The following DYNAP variants were observed in gnomAD, a reference collection of about 807,000 sequenced individuals.
The protein encoded by DYNAP is dynactin associated protein, also known as dynactin-associated protein.
DYNAP carries 7 observed loss-of-function variants against 8.5 expected under a neutral mutation model. The ratio of observed to expected loss-of-function variants is 0.82; its 90% CI spans 0.47 to 1.54. The LOEUF is 1.54. Ranked by LOEUF, DYNAP falls within the 40% of genes most tolerant of loss-of-function variation. The probability of loss-of-function intolerance (pLI) is 0.01; values close to 1 mark genes in which losing one functional copy is unlikely to be tolerated. For synonymous variants in DYNAP, 77 were observed against 77.9 expected (o/e 0.99, Z 0.06); for missense variants, 256 against 224.3 (o/e 1.14, Z -0.90).
At chr18:54,580,575 C>T in the DYNAP span, among the ~76,000 whole-genome samples, 1 of 152,222 alleles carries the variant, frequency 6.6e-6, no homozygotes, top group South Asian at 2.1e-4. Flanking sequence ...GTGCTAACAT[C>T]ACCATTCTCA....
chr18:54,585,428 A>T (rs574049280), upstream of DYNAP, among the ~76,000 whole-genome samples: 7 of 151,752 alleles, frequency 4.6e-5, no homozygotes, highest in East Asian at 1.4e-3. Flanking sequence ...CTTTTACTCT[A>T]CCTCCAGACC....
intron 2 of DYNAP, 37 bp downstream of exon 2, chr18:54,595,140 A>G (rs750867822): frequency 5.7e-6 from 9 of 1,589,038 alleles, no homozygotes; most frequent in Non-Finnish European, 7.7e-6. Flanking sequence ...TCAAGTTGGG[A>G]TGTGCTCTAT....
chr18:54,596,980 G>A (rs1439490137), intron 2 of DYNAP, among the ~76,000 whole-genome samples: 2 of 151,966 alleles, frequency 1.3e-5, no homozygotes, highest in African/African-American at 4.8e-5. Flanking sequence ...CACATATTTT[G>A]TAATGTTTCA....
upstream of DYNAP, chr18:54,587,976 C>G (rs1355777360): frequency 1.0e-5 from 4 of 396,036 alleles, no homozygotes; most frequent in African/African-American, 8.2e-5. Context: ...TCATTATGGT[C>G]CTTTCTCTAA....
Position 54,594,928 on chromosome 18 carries a change from T to G in DYNAP, c.58-11T>G, listed in dbSNP as rs750289160. On this transcript the variant is annotated splice_polypyrimidine_tract_variant and intron_variant, in intron 1 of 2. Coordinates refer to ENST00000648945, the MANE Select transcript of DYNAP (RefSeq NM_173629.3). ...CTAGGCTTCCTACTCACTTCCACTC[T>G]GCCTTTGTAGCCAATCACACATCCA... 3.7e-6 allele frequency: 6 copies of G among 1,606,680 alleles called. No individual in the cohort carries two copies. Among genetic ancestry groups the G allele is most frequent in the Non-Finnish European group, 5.1e-6 (6 of 1,176,328 alleles).
At chr18:54,596,141 T>A (rs943567661) in intron 2 of DYNAP, among the ~76,000 whole-genome samples, 1 of 151,966 alleles carries the variant, frequency 6.6e-6, no homozygotes, top group Non-Finnish European at 1.5e-5. Flanking sequence ...GGCACAATCA[T>A]GTCTCACTGC....
At chr18:54,578,869 G>T in the DYNAP span, among the ~76,000 whole-genome samples, 2 of 151,818 alleles carry the variant, frequency 1.3e-5, no homozygotes, top group Non-Finnish European at 2.9e-5. Flanking sequence ...GCACAATCTT[G>T]GCTCACTGCA....
At chr18:54,578,477 T>C in the DYNAP span, among the ~76,000 whole-genome samples, 1 of 152,348 alleles carries the variant, frequency 6.6e-6, no homozygotes, top group East Asian at 1.9e-4. Context: ...ACTAAAATAT[T>C]ACTCAAGGTT....
the DYNAP span, among the ~76,000 whole-genome samples, chr18:54,582,693 T>G: frequency 6.6e-6 from 1 of 152,230 alleles, no homozygotes; most frequent in African/African-American, 2.4e-5. Flanking sequence ...CTCCTTCCTC[T>G]CTTAGAATTC....
At chr18:54,577,444 G>A in the DYNAP span, among the ~76,000 whole-genome samples, 2 of 151,970 alleles carry the variant, frequency 1.3e-5, no homozygotes, top group Non-Finnish European at 2.9e-5. Context: ...AGCAGGGCAT[G>A]GTGGCACACG....
In DYNAP at chr18:54,591,288, C is replaced by G. The variant is rs776289970; in HGVS notation, c.6C>G (p.Asp2Glu). 1.2e-6 allele frequency: 2 copies of G among 1,612,916 alleles called. No individual in the cohort carries two copies. Among genetic ancestry groups the G allele is most frequent in the South Asian group, 2.2e-5 (2 of 90,980 alleles). Residue 2 changes from aspartate to glutamate, a missense_variant, in exon 1 of 3, where the codon GAC (aspartate) becomes GAG (glutamate). Coordinates refer to ENST00000648945, the MANE Select transcript of DYNAP (RefSeq NM_173629.3). ...GTGATACTGGCAGCTCAAGAATGGACAGAAAGCATGGAAAATACATATTGA... is the reference window on the plus strand; with the variant it reads ...GTGATACTGGCAGCTCAAGAATGGAGAGAAAGCATGGAAAATACATATTGA... M[D>E]RKHGKYILNV... is the part of the protein sequence containing the mutation.
At chr18:54,579,360 A>C in the DYNAP span, among the ~76,000 whole-genome samples, 1 of 151,752 alleles carries the variant, frequency 6.6e-6, no homozygotes, top group South Asian at 2.1e-4. Context: ...CTTTGCAATT[A>C]ATTCTAGAAC....
the DYNAP span, among the ~76,000 whole-genome samples, chr18:54,576,550 A>T: frequency 6.5e-4 from 99 of 152,080 alleles, no homozygotes; most frequent in Non-Finnish European, 1.1e-3. Context: ...TGTAATCTCA[A>T]CACTTCGGAA....
chr18:54,595,048 A>C lies in DYNAP; in HGVS notation c.167A>C (p.Asn56Thr). Residue 56 changes from asparagine to threonine, a missense_variant, in exon 2 of 3, where the codon AAC (asparagine) becomes ACC (threonine). Coordinates refer to ENST00000648945, the MANE Select transcript of DYNAP (RefSeq NM_173629.3). The part of the protein sequence containing the change: ...VSPNLTGVCV[N>T]PGILAHSRCL... Reference sequence around the variant, plus strand: ...CCCAACTTAACTGGGGTCTGCGTGAACCCAGGAATCCTTGCACATTCAAGA... The same window carrying C: ...CCCAACTTAACTGGGGTCTGCGTGACCCCAGGAATCCTTGCACATTCAAGA... 6.2e-7 allele frequency: 1 copy of C among 1,612,770 alleles called. No individual in the cohort carries two copies. The highest frequency in any genetic ancestry group is 8.5e-7 in the Non-Finnish European group (1 of 1,179,126).
upstream of DYNAP, among the ~76,000 whole-genome samples, chr18:54,586,495 C>G (rs1910884569): frequency 6.6e-6 from 1 of 152,166 alleles, no homozygotes; most frequent in South Asian, 2.1e-4. Flanking sequence ...ACCACCCTGG[C>G]CATGCTTCCA....
At chr18:54,580,670 T>A in the DYNAP span, among the ~76,000 whole-genome samples, 1 of 152,218 alleles carries the variant, frequency 6.6e-6, no homozygotes, top group East Asian at 1.9e-4. Context: ...TTTCCATAGC[T>A]ACTCGTAAGA....
At chr18:54,577,794 C>T in the DYNAP span, among the ~76,000 whole-genome samples, 1 of 151,320 alleles carries the variant, frequency 6.6e-6, no homozygotes, top group East Asian at 2.0e-4. Flanking sequence ...TGGTGAAACC[C>T]GGTCTCTACT....
At chr18:54,589,031 G>A (rs1337132150), upstream of DYNAP, among the ~76,000 whole-genome samples, 6 of 152,150 alleles carry the variant, frequency 3.9e-5, no homozygotes, top group Admixed American at 6.6e-5. Context: ...TCACATGGCC[G>A]AAGCTGTCAT....
upstream of DYNAP, among the ~76,000 whole-genome samples, chr18:54,590,123 C>T (rs1031139683): frequency 6.6e-6 from 1 of 152,122 alleles, no homozygotes; most frequent in African/African-American, 2.4e-5. Context: ...CTCTTTTTAT[C>T]ATCCCAAACT....
Sources: gnomAD v4.1 joint callset for allele counts (sites outside exome capture counted in the v4.1 genomes callset) on GRCh38, gnomAD v4.1.1 for gene constraint, MANE v1.5 for transcripts, NCBI Gene and HGNC (gene_info 2026-07-23, HGNC 2026-07-21) for gene names.